Variants in AHRR observed in about 807,000 individuals in gnomAD.
AHRR encodes the protein aryl hydrocarbon receptor repressor, also known as ahR repressor.
A neutral mutation model predicts 44.0 loss-of-function variants in AHRR; 28 were observed. The ratio of observed to expected loss-of-function variants is 0.64; its 90% CI spans 0.47 to 0.87. The LOEUF (loss-of-function observed/expected upper bound fraction) is 0.87, where lower values mean the gene tolerates loss of function less well. Among genes scored for constraint, AHRR ranks in the 40% least tolerant of loss-of-function variants. AHRR has a pLI of 0.00. For missense variants in AHRR, 990 were observed against 953.9 expected (o/e 1.04, Z -0.50); for synonymous variants, 434 against 407.0 (o/e 1.07, Z -0.80).
In AHRR at chr5:326,240, CCAGG is replaced by C. The variant is rs1426030748; in HGVS notation, c.-11+4425_-11+4428del. Reference sequence around the variant, plus strand: ...CATCGCCTCCGGCAGTGCTCACCCACCAGGCAGTCACTCCCCAGTCCCTGCTCCC... The same window carrying C: ...CATCGCCTCCGGCAGTGCTCACCCACCAGTCACTCCCCAGTCCCTGCTCCC... On this transcript the variant is annotated intron_variant, in intron 1 of 10. Transcript: ENST00000684583. The surrounding 1 kb of genome is among the most constrained non-coding windows in gnomAD (Gnocchi z 4.1). Among the ~76,000 whole-genome samples the C allele has an allele frequency of 2.0e-5, 3 of 152,234 alleles. No homozygotes were observed. Among genetic ancestry groups the C allele is most frequent in the African/African-American group, 4.8e-5 (2 of 41,458 alleles).
chr5:431,850 G>A (rs1736748033), intron 8 of AHRR, among the ~76,000 whole-genome samples: 1 of 152,238 alleles, frequency 6.6e-6, no homozygotes, highest in South Asian at 2.1e-4. Context: ...GCCTCCTGGA[G>A]GTGCCCAGAG....
At chr5:414,437 T>C (rs542561694) in intron 5 of AHRR, among the ~76,000 whole-genome samples, 5 of 152,186 alleles carry the variant, frequency 3.3e-5, no homozygotes, top group African/African-American at 9.6e-5. Flanking sequence ...AAATCAGGCG[T>C]ACTGCAGACT....
intron 10 of AHRR, among the ~76,000 whole-genome samples, chr5:433,201 G>A (rs867642856): frequency 6.6e-5 from 10 of 152,084 alleles, no homozygotes; most frequent in Non-Finnish European, 8.8e-5. Context: ...AGGATGCCCC[G>A]TGGGCTCTGG....
chr5:339,895 AC>A (rs1742271731), intron 1 of AHRR, among the ~76,000 whole-genome samples: 1 of 149,954 alleles, frequency 6.7e-6, no homozygotes, highest in Admixed American at 6.6e-5. Flanking sequence ...GATAAATCCC[AC>A]TTAGCTGTGA....
chr5:388,235 AGCTCAGGG>A lies in AHRR; in HGVS notation c.351+11520_351+11527del, dbSNP rs752578484. ...GACAGGGGAAAGCTCAGGTTGGAAG[AGCTCAGGG>A]TTGGGGCAGAAACTCAGGCCTCCCC... is the stretch of plus-strand genomic sequence containing the variant. On this transcript the variant is annotated intron_variant, in intron 4 of 10. Coordinates refer to ENST00000684583, the MANE Select transcript of AHRR (RefSeq NM_001377236.1). This position sits in a 1 kb window ranked among gnomAD's most constrained non-coding sequence, Gnocchi z 5.2. Among the ~76,000 whole-genome samples the A allele has an allele frequency of 6.6e-6, 1 of 152,182 alleles. No individual in the cohort carries two copies. Among genetic ancestry groups the A allele is most frequent in the African/African-American group, 2.4e-5 (1 of 41,448 alleles).
chr5:393,920 G>C (rs570646783), intron 4 of AHRR, among the ~76,000 whole-genome samples: 1 of 152,186 alleles, frequency 6.6e-6, no homozygotes, highest in Non-Finnish European at 1.5e-5. Flanking sequence ...GAGCCGCTGC[G>C]CCCGGCCTAT....
At chr5:414,207 G>C (rs1735606923) in intron 5 of AHRR, among the ~76,000 whole-genome samples, 1 of 152,134 alleles carries the variant, frequency 6.6e-6, no homozygotes, top group Non-Finnish European at 1.5e-5. Flanking sequence ...AGGTTGCAGT[G>C]AGGTGAGATC....
intron 3 of AHRR, among the ~76,000 whole-genome samples, chr5:363,972 C>A (rs1284290339): frequency 2.0e-5 from 3 of 152,222 alleles, no homozygotes; most frequent in Non-Finnish European, 4.4e-5. Flanking sequence ...ACATCCTGTT[C>A]TAATGCAAGT....
At chr5:399,398 CAGAA>C (rs998183981) in intron 4 of AHRR, among the ~76,000 whole-genome samples, 1 of 152,230 alleles carries the variant, frequency 6.6e-6, no homozygotes, top group African/African-American at 2.4e-5. Flanking sequence ...TGTTTGCACT[CAGAA>C]AGCGGGTCCT....
At chr5:400,338 C>T (rs573386015) in intron 4 of AHRR, among the ~76,000 whole-genome samples, 8 of 152,288 alleles carry the variant, frequency 5.3e-5, no homozygotes, top group Admixed American at 2.0e-4. Flanking sequence ...CCATTCCCTG[C>T]GGTCCCTGGG....
intron 5 of AHRR, among the ~76,000 whole-genome samples, chr5:416,186 C>T (rs1735803610): frequency 6.6e-6 from 1 of 152,216 alleles, no homozygotes; most frequent in Non-Finnish European, 1.5e-5. Context: ...GAGGGAACAC[C>T]GTGCAGTGGA....
intron 7 of AHRR, among the ~76,000 whole-genome samples, chr5:427,482 A>G (rs1341046323): frequency 6.6e-6 from 1 of 152,248 alleles, no homozygotes; most frequent in Non-Finnish European, 1.5e-5. Flanking sequence ...GGCAGGTCCC[A>G]CAGGCGCAGT....
intron 2 of AHRR, among the ~76,000 whole-genome samples, chr5:349,303 C>T (rs878921940): frequency 1.3e-5 from 2 of 152,108 alleles, no homozygotes; most frequent in Admixed American, 1.3e-4. Flanking sequence ...TTTGGCTGGG[C>T]GCGGTGGCTC....
chr5:404,171 C>T lies in AHRR; in HGVS notation c.352-9173C>T. The T allele has an allele frequency of 3.8e-6, 2 of 530,470 alleles. No individual in the cohort carries two copies. Among genetic ancestry groups the T allele is most frequent in the East Asian group, 8.2e-5 (2 of 24,536 alleles). The allele number at this position is 530,470 out of a possible 1,614,324, so 32.9% of individuals were successfully genotyped here. On this transcript the variant is annotated intron_variant, in intron 4 of 10. Coordinates refer to ENST00000684583, the MANE Select transcript of AHRR (RefSeq NM_001377236.1). The surrounding 1 kb of genome is among the most constrained non-coding windows in gnomAD (Gnocchi z 4.1). Reference sequence around the variant, plus strand: ...AGCCGTTCCTGGTGGGTCTGCATTCCTGTCACGAGCTGGTCTTCTGCAGCC... The same window carrying T: ...AGCCGTTCCTGGTGGGTCTGCATTCTTGTCACGAGCTGGTCTTCTGCAGCC...
At chr5:368,284 A>G (rs1292379585) in intron 3 of AHRR, among the ~76,000 whole-genome samples, 5 of 152,148 alleles carry the variant, frequency 3.3e-5, no homozygotes, top group East Asian at 1.9e-4. Flanking sequence ...TGCACCGCGC[A>G]CTGTATCCTG....
chr5:433,024 A>T, intron 10 of AHRR, 77 bp downstream of exon 10: 1 of 1,426,028 alleles, frequency 7.0e-7, no homozygotes, highest in Non-Finnish European at 9.3e-7. Flanking sequence ...CGGGTGGGGG[A>T]GTGATTAAGA....
rs367819039 is a variant in AHRR at position 395,150 on chromosome 5, G to A, written c.352-18194G>A. On this transcript the variant is annotated intron_variant, in intron 4 of 10. Transcript: ENST00000684583. This position sits in a 1 kb window ranked among gnomAD's most constrained non-coding sequence, Gnocchi z 5.3. ...TCTCCTCCACACCTAACCCCAGATA[G>A]CCCAAGACTTCTGGGGTTCCCTCAG... is the stretch of plus-strand genomic sequence containing the variant. Among the ~76,000 whole-genome samples, 3 of 152,282 alleles carry A rather than the reference G, an allele frequency of 2.0e-5. No individual in the cohort carries two copies. The highest frequency in any genetic ancestry group is 7.2e-5 in the African/African-American group (3 of 41,572).
chr5:335,614 C>A (rs1245010820), intron 1 of AHRR, among the ~76,000 whole-genome samples: 2 of 152,216 alleles, frequency 1.3e-5, no homozygotes, highest in African/African-American at 2.4e-5. Context: ...ATTTTCAGGG[C>A]CCATGGCAGA....
At chr5:401,485 G>C (rs143606080) in intron 4 of AHRR, among the ~76,000 whole-genome samples, 3,029 of 152,352 alleles carry the variant, frequency 0.02, 54 homozygotes, top group Non-Finnish European at 0.028. Flanking sequence ...CGCCAGCCCA[G>C]GGCCTAGATC....
Sources: gnomAD v4.1 joint callset for allele counts (sites outside exome capture counted in the v4.1 genomes callset) on GRCh38, gnomAD v4.1.1 for gene constraint, Gnocchi (gnomAD v3.1) non-coding constraint, MANE v1.5 for transcripts, NCBI Gene and HGNC (gene_info 2026-07-23, HGNC 2026-07-21) for gene names.